Variants in ABLIM2 observed in about 807,000 individuals in gnomAD.
The protein encoded by ABLIM2 is actin binding LIM protein family member 2.
Under a neutral mutation model 97.7 loss-of-function variants are expected in ABLIM2, and 53 were observed. The ratio of observed to expected loss-of-function variants is 0.54; its 90% CI spans 0.44 to 0.68. ABLIM2 has a LOEUF of 0.68. Ranked by LOEUF, ABLIM2 falls within the 30% of genes least tolerant of loss-of-function variation. ABLIM2 has a pLI of 0.00. For synonymous variants in ABLIM2, 361 were observed against 345.8 expected (o/e 1.04, Z -0.49); for missense variants, 835 against 867.2 (o/e 0.96, Z 0.47).
chr4:8,103,259 C>A (rs1418186315), intron 2 of ABLIM2, among the ~76,000 whole-genome samples: 1 of 152,198 alleles, frequency 6.6e-6, no homozygotes, highest in African/African-American at 2.4e-5. Context: ...TCCCAAAGCA[C>A]CCTCAATGAT....
Position 8,127,770 on chromosome 4 carries a change from T to C in ABLIM2, c.11-21133A>G, listed in dbSNP as rs1385055985. The C allele has an allele frequency of 1.1e-6, 1 of 937,622 alleles. No homozygotes were observed. The highest frequency in any genetic ancestry group is 6.4e-5 in the Admixed American group (1 of 15,596). The allele number at this position is 937,622 out of a possible 1,614,324, so 58.1% of individuals were successfully genotyped here. A position where few individuals can be genotyped will look rare whatever the true frequency, so the allele number is the denominator to read the frequency against. ...CCAAGCCCTTCCCGGCACACTGAAA[T>C]AGACTCCCGCCACACTATGCGCCAG... On this transcript the variant is annotated intron_variant, in intron 1 of 20. Coordinates refer to ENST00000447017, the MANE Select transcript of ABLIM2 (RefSeq NM_001130083.2). This position sits in a 1 kb window ranked among gnomAD's most constrained non-coding sequence, Gnocchi z 7.3.
At chr4:8,143,309 G>T (rs1851313628) in intron 1 of ABLIM2, among the ~76,000 whole-genome samples, 1 of 151,984 alleles carries the variant, frequency 6.6e-6, no homozygotes, top group Admixed American at 6.5e-5. Flanking sequence ...TGACTCCCAG[G>T]CCCCCAAGGC....
intron 20 of ABLIM2, among the ~76,000 whole-genome samples, chr4:7,977,091 T>C (rs998105918): frequency 6.6e-6 from 1 of 151,930 alleles, no homozygotes; most frequent in African/African-American, 2.4e-5. Context: ...GTCCTGGGGG[T>C]GGTTTCCCCC....
At chr4:8,137,786 C>G (rs773052770) in intron 1 of ABLIM2, among the ~76,000 whole-genome samples, 1 of 152,198 alleles carries the variant, frequency 6.6e-6, no homozygotes, top group Non-Finnish European at 1.5e-5. Flanking sequence ...GATAGAATGG[C>G]CATTTGATCC....
chr4:7,969,021 A>G (rs897800727), intron 20 of ABLIM2, among the ~76,000 whole-genome samples: 1 of 152,004 alleles, frequency 6.6e-6, no homozygotes, highest in African/African-American at 2.4e-5. Flanking sequence ...AATCCCAGCT[A>G]CTCGAGAGGC....
rs2152626555 is a variant in ABLIM2 at position 8,095,037 on chromosome 4, CTTCCTTCCTTCTTTCTTTCT to C, written c.338+2042_338+2061del. On this transcript the variant is annotated intron_variant, in intron 3 of 20. Coordinates refer to ENST00000447017, the MANE Select transcript of ABLIM2 (RefSeq NM_001130083.2). The surrounding 1 kb of genome is among the most constrained non-coding windows in gnomAD (Gnocchi z 4.7). ...CTCTCTCTCTCCCCCCACTTCTTTC[CTTCCTTCCTTCTTTCTTTCT>C]TTCTCTTTCTTTCTTTCTCTCTCTC... Among the ~76,000 whole-genome samples the C allele has an allele frequency of 1.6e-5, 2 of 121,450 alleles. No homozygotes were observed. Among genetic ancestry groups the C allele is most frequent in the East Asian group, 4.9e-4 (2 of 4,044 alleles). 79.7% of individuals were successfully genotyped at this position (121,450 alleles called of 152,430 possible).
At chr4:8,038,356 G>C (rs953781753) in intron 9 of ABLIM2, among the ~76,000 whole-genome samples, 1 of 152,132 alleles carries the variant, frequency 6.6e-6, no homozygotes, top group Non-Finnish European at 1.5e-5. Context: ...CACTGCTGGG[G>C]GGAATGCCTC....
At position 8,058,390 on chromosome 4, in the gene ABLIM2, G is replaced by A. The variant is rs1388679617; in HGVS notation, c.763+2577C>T. 1.3e-5 allele frequency among the ~76,000 whole-genome samples: 2 copies of A among 152,158 alleles called. No individual in the cohort carries two copies. The highest frequency in any genetic ancestry group is 6.5e-5 in the Admixed American group (1 of 15,282). ...AGAAAGGCAGGCCTGTGTGATCCAC[G>A]GCCCTGTGACAATGGCCGCATGAGG... On this transcript the variant is annotated intron_variant, in intron 7 of 20. Coordinates refer to ENST00000447017, the MANE Select transcript of ABLIM2 (RefSeq NM_001130083.2). The surrounding 1 kb of genome is among the most constrained non-coding windows in gnomAD (Gnocchi z 4.2).
chr4:7,997,210 T>C (rs1753906108), intron 16 of ABLIM2, among the ~76,000 whole-genome samples: 1 of 152,198 alleles, frequency 6.6e-6, no homozygotes. Context: ...TAACTGAGAC[T>C]ATGGGTGCAC....
chr4:7,979,610 T>C (rs2149575358), intron 20 of ABLIM2, among the ~76,000 whole-genome samples: 1 of 152,360 alleles, frequency 6.6e-6, no homozygotes, highest in South Asian at 2.1e-4. Flanking sequence ...CATTGTTTTG[T>C]AAAACGTTGT....
Position 8,077,682 on chromosome 4 carries a change from C to T in ABLIM2, c.621G>A (p.Lys207=), listed in dbSNP as rs1817151509. The T allele has an allele frequency of 2.5e-6, 4 of 1,613,184 alleles. No homozygotes were observed. The highest frequency in any genetic ancestry group is 3.4e-6 in the Non-Finnish European group (4 of 1,179,582). Residue 207 remains lysine (K), a synonymous_variant, in exon 6 of 21, where the codon AAG becomes AAA. Coordinates refer to ENST00000447017, the MANE Select transcript of ABLIM2 (RefSeq NM_001130083.2). The stretch of plus-strand genomic sequence containing the variant: ...CACAGCTGTCACAGCGGATGCCGAA[C>T]TTGGCGTGATAGTCAGCTTCGCAGT... The part of the protein sequence containing the change: ...LPYCEADYHA[K]FGIRCDSCEK...
chr4:8,000,488 A>G (rs1206673781), intron 16 of ABLIM2, among the ~76,000 whole-genome samples: 1 of 152,116 alleles, frequency 6.6e-6, no homozygotes, highest in Non-Finnish European at 1.5e-5. Context: ...TGGGTGGACT[A>G]GCGCCCGCAT....
intron 16 of ABLIM2, chr4:8,006,896 C>T (rs1761792333): frequency 1.9e-6 from 1 of 532,548 alleles, no homozygotes; most frequent in Non-Finnish European, 2.4e-6. Flanking sequence ...GTGGCTTTCC[C>T]ATGGTGACAT....
At chr4:8,154,942 G>A (rs190606157) in intron 1 of ABLIM2, among the ~76,000 whole-genome samples, 1 of 152,266 alleles carries the variant, frequency 6.6e-6, no homozygotes, top group African/African-American at 2.4e-5. Context: ...GCAGGCAAGA[G>A]AGCGTGTGCA....
Position 8,061,684 on chromosome 4 carries a change from C to T in ABLIM2, c.676-630G>A, listed in dbSNP as rs1803194515. Reference sequence around the variant, plus strand: ...AAAAAAAAATCACCCCGAAATGCTCCCTTTACCCCCACGTTCCAGCACACA... The same window carrying T: ...AAAAAAAAATCACCCCGAAATGCTCTCTTTACCCCCACGTTCCAGCACACA... On this transcript the variant is annotated intron_variant, in intron 6 of 20. Coordinates refer to ENST00000447017, the MANE Select transcript of ABLIM2 (RefSeq NM_001130083.2). The surrounding 1 kb of genome is among the most constrained non-coding windows in gnomAD (Gnocchi z 4.5). Among the ~76,000 whole-genome samples the T allele has an allele frequency of 6.6e-6, 1 of 152,042 alleles. No homozygotes were observed. Among genetic ancestry groups the T allele is most frequent in the African/African-American group, 2.4e-5 (1 of 41,492 alleles).
chr4:8,096,684 A>G (rs1481630925), intron 3 of ABLIM2, among the ~76,000 whole-genome samples: 1 of 152,236 alleles, frequency 6.6e-6, no homozygotes, highest in African/African-American at 2.4e-5. Flanking sequence ...CTAGAAACAG[A>G]ACATTTCCTC....
rs753691822 is a variant in ABLIM2 at position 7,984,846 on chromosome 4, GC to G, written c.1727del (p.Gly576AlafsTer21). On this transcript the variant is annotated frameshift_variant, in exon 18 of 21. Coordinates refer to ENST00000447017, the MANE Select transcript of ABLIM2 (RefSeq NM_001130083.2). LOFTEE classifies it high-confidence loss of function. Reference sequence around the variant, plus strand: ...GGTCCCCGCTCTGTGTACCTCGCATGCCCCAGCTGGCATCCGGGTCTGCTCC... The same window carrying G: ...GGTCCCCGCTCTGTGTACCTCGCATGCCCAGCTGGCATCCGGGTCTGCTCC... ...PCGADPDASW[G>X]MREYKIYPYD... is the part of the protein sequence containing the mutation. The G allele has an allele frequency of 2.4e-5, 39 of 1,603,614 alleles. No homozygotes were observed. The highest frequency in any genetic ancestry group is 9.4e-6 in the Non-Finnish European group (11 of 1,175,706).
At chr4:8,108,802 T>C (rs1000102598) in intron 1 of ABLIM2, among the ~76,000 whole-genome samples, 12 of 152,358 alleles carry the variant, frequency 7.9e-5, no homozygotes, top group African/African-American at 2.6e-4. Flanking sequence ...ACAGCGGCTC[T>C]GAGAAAGTTG....
intron 9 of ABLIM2, among the ~76,000 whole-genome samples, chr4:8,038,119 C>T (rs985392557): frequency 6.6e-6 from 1 of 152,168 alleles, no homozygotes; most frequent in African/African-American, 2.4e-5. Context: ...CTGTCTACCC[C>T]GAGACATGCA....
Sources: gnomAD v4.1 joint callset for allele counts (sites outside exome capture counted in the v4.1 genomes callset) on GRCh38, gnomAD v4.1.1 for gene constraint, Gnocchi (gnomAD v3.1) non-coding constraint, MANE v1.5 for transcripts, NCBI Gene and HGNC (gene_info 2026-07-23, HGNC 2026-07-21) for gene names.